Variants in BBX observed in about 807,000 individuals in gnomAD.
The protein encoded by BBX is BBX high mobility group box domain containing, also known as HMG box transcription factor BBX.
A neutral mutation model predicts 100.2 loss-of-function variants in BBX; 30 were observed. The observed-to-expected ratio is 0.30, with a 90% confidence interval of 0.22 to 0.41. The LOEUF (loss-of-function observed/expected upper bound fraction) is 0.41. BBX is among the 10% of genes least tolerant of loss of function. The pLI is 1.00. For synonymous variants in BBX, 376 were observed against 388.1 expected, an observed-to-expected ratio of 0.97 and a Z score of 0.37; for missense variants, 1,023 against 1,129.8, an observed-to-expected ratio of 0.91 and a Z score of 1.35.
In BBX at chr3:107,744,615, C is replaced by G. The variant is rs773589007; in HGVS notation, c.670-15C>G. ...AATAGTACAAAAGAAAATATGATATCTTTCTTTGTTTCAGGTATCCTCTGG... is the reference window on the plus strand; with the variant it reads ...AATAGTACAAAAGAAAATATGATATGTTTCTTTGTTTCAGGTATCCTCTGG... On this transcript the variant is annotated splice_polypyrimidine_tract_variant and intron_variant, in intron 7 of 17. Transcript: ENST00000325805. 11 of 1,597,014 alleles carry G rather than the reference C, an allele frequency of 6.9e-6. No individual in the cohort carries two copies. In the African/African-American group the frequency reaches 8.0e-5, roughly 12 times the overall value.
In BBX at chr3:107,684,341, C is replaced by CT. The variant is rs1437392269; in HGVS notation, c.-9-26109dup. Among the ~76,000 whole-genome samples, 3 of 152,240 alleles carry CT rather than the reference C, an allele frequency of 2.0e-5. No individual in the cohort carries two copies. In the East Asian group the frequency reaches 5.8e-4, roughly 29 times the overall value. On this transcript the variant is annotated intron_variant, in intron 3 of 17. Transcript: ENST00000325805. ...ATAGATTCCATTTTTAAATAAAAAA[C>CT]TTAAACTATGTTTCAGTTTAAGGTC...
chr3:107,527,126 G>C (rs1436769947), intron 2 of BBX, among the ~76,000 whole-genome samples: 2 of 152,182 alleles, frequency 1.3e-5, no homozygotes, highest in African/African-American at 4.8e-5. Flanking sequence ...AAATTTGTGA[G>C]AGGTAACAGT....
At chr3:107,789,222 A>G (rs2068736941) in intron 13 of BBX, among the ~76,000 whole-genome samples, 1 of 152,204 alleles carries the variant, frequency 6.6e-6, no homozygotes, top group Admixed American at 6.5e-5. Flanking sequence ...TGAGAAAACT[A>G]AGAATCTGAA....
chr3:107,743,371 T>A (rs2064274919), intron 7 of BBX, among the ~76,000 whole-genome samples: 2 of 152,248 alleles, frequency 1.3e-5, no homozygotes, highest in African/African-American at 4.8e-5. Context: ...TTGGCCTTTT[T>A]AATTCATTTT....
In BBX at chr3:107,772,730, G is replaced by A; in HGVS notation, c.1009G>A (p.Glu337Lys). 1 of 1,611,546 alleles carries A rather than the reference G, an allele frequency of 6.2e-7. No individual in the cohort carries two copies. Among genetic ancestry groups the A allele is most frequent in the Non-Finnish European group, 8.5e-7 (1 of 1,179,386 alleles). Residue 337 changes from glutamate (E) to lysine (K), a missense_variant, in exon 11 of 18, where the codon GAA becomes AAA. Around this residue, in one of 9 missense-constraint regions of BBX, gnomAD observed 348 missense variants for 353.2 expected, o/e 0.99. Transcript: ENST00000325805. ...TAAAGAATTAGAGAAGGGAAAGGAA[G>A]AAAAAGAAATTAAAATGGAGAAAAC... ...RIKELEKGKE[E>K]KEIKMEKTDE...
At chr3:107,786,426 GT>G (rs2068434460) in intron 13 of BBX, among the ~76,000 whole-genome samples, 1 of 152,142 alleles carries the variant, frequency 6.6e-6, no homozygotes, top group Non-Finnish European at 1.5e-5. Flanking sequence ...TCAAGAGAGT[GT>G]TGTACTAGAA....
At chr3:107,711,003 G>T (rs578174111) in intron 4 of BBX, among the ~76,000 whole-genome samples, 3 of 152,324 alleles carry the variant, frequency 2.0e-5, no homozygotes, top group African/African-American at 7.2e-5. Context: ...GGCAGTCTTA[G>T]AACTGCTCTC....
intron 3 of BBX, among the ~76,000 whole-genome samples, chr3:107,673,936 A>C (rs983045006): frequency 4.6e-5 from 7 of 152,184 alleles, no homozygotes; most frequent in African/African-American, 1.7e-4. Flanking sequence ...ACAGTCTTCA[A>C]GTATTTTATT....
intron 2 of BBX, among the ~76,000 whole-genome samples, chr3:107,584,737 G>A (rs1172610872): frequency 1.6e-5 from 2 of 126,068 alleles, no homozygotes; most frequent in African/African-American, 5.9e-5. Context: ...TGTTGCCCAG[G>A]CTGGAGTGCA....
chr3:107,747,019 T>A (rs2064670700), intron 8 of BBX, among the ~76,000 whole-genome samples: 1 of 152,192 alleles, frequency 6.6e-6, no homozygotes. Context: ...TTACCCTGTA[T>A]TATAGCTGAA....
chr3:107,642,252 G>T (rs1369947521), intron 2 of BBX, among the ~76,000 whole-genome samples: 1 of 152,088 alleles, frequency 6.6e-6, no homozygotes, highest in African/African-American at 2.4e-5. Context: ...AGAATTTTTT[G>T]ACTACAAACA....
At chr3:107,548,981 G>A (rs538599724) in intron 2 of BBX, among the ~76,000 whole-genome samples, 40 of 152,158 alleles carry the variant, frequency 2.6e-4, no homozygotes, top group African/African-American at 8.4e-4. Flanking sequence ...CAAACCCTGG[G>A]GACTATTAGA....
At chr3:107,629,495 A>G (rs1300335391) in intron 2 of BBX, among the ~76,000 whole-genome samples, 1 of 152,152 alleles carries the variant, frequency 6.6e-6, no homozygotes, top group East Asian at 1.9e-4. Context: ...GGGCAGCCTC[A>G]CAGAGGATAT....
At chr3:107,726,894 C>T (rs1005672694) in intron 5 of BBX, among the ~76,000 whole-genome samples, 13 of 152,022 alleles carry the variant, frequency 8.6e-5, no homozygotes, top group Non-Finnish European at 1.8e-4. Flanking sequence ...GAGTGGAATA[C>T]ATGCAAGAGA....
At position 107,809,634 on chromosome 3, in the gene BBX, ACTT is replaced by A. The variant is rs2071212717; in HGVS notation, c.*4179_*4181del. 6.6e-6 allele frequency: 1 copy of A among 152,252 alleles called. No homozygotes were observed. Among genetic ancestry groups the A allele is most frequent in the East Asian group, 1.9e-4 (1 of 5,184 alleles). The allele number at this position is 152,252 out of a possible 1,614,324, so 9.4% of individuals were successfully genotyped here. ...CACTATTTTCCACTGCAGTGTTTTG[ACTT>A]CACAAACTGCCTCCTCCAGAGAGAA... On this transcript the variant is annotated 3_prime_UTR_variant, in exon 18 of 18. Coordinates refer to ENST00000325805, the MANE Select transcript of BBX (RefSeq NM_001142568.3).
intron 10 of BBX, among the ~76,000 whole-genome samples, chr3:107,761,892 T>A (rs2065929050): frequency 6.6e-6 from 1 of 152,184 alleles, no homozygotes; most frequent in South Asian, 2.1e-4. Context: ...ATTTAAGATT[T>A]CTGTTGTGTC....
chr3:107,697,633 G>A, intron 3 of BBX, among the ~76,000 whole-genome samples: 1 of 151,922 alleles, frequency 6.6e-6, no homozygotes, highest in Non-Finnish European at 1.5e-5. Context: ...GTCTGAGGAG[G>A]TTACTGCTGT....
chr3:107,736,462 G>A (rs1170948867), intron 7 of BBX, among the ~76,000 whole-genome samples: 5 of 150,690 alleles, frequency 3.3e-5, no homozygotes. Flanking sequence ...TAAAAATGTA[G>A]AACAAATAAA....
chr3:107,784,222 C>T (rs185634476), intron 13 of BBX, among the ~76,000 whole-genome samples: 39 of 151,892 alleles, frequency 2.6e-4, no homozygotes, highest in Admixed American at 1.5e-3. Context: ...GAAGGTGAGA[C>T]GTACAGTGGA....
Sources: gnomAD v4.1 joint callset for allele counts (sites outside exome capture counted in the v4.1 genomes callset) on GRCh38, gnomAD v4.1.1 for gene constraint, gnomAD v4.1.1 regional missense constraint, MANE v1.5 for transcripts, NCBI Gene and HGNC (gene_info 2026-07-23, HGNC 2026-07-21) for gene names.